Variants in MAPDA observed in about 807,000 individuals in gnomAD.
MAPDA encodes N6-Methyl-AMP deaminase, also known as N6,N6-dimethyl-AMP deaminase.
At chr15:43,350,228 G>A in the MAPDA span, among the ~76,000 whole-genome samples, 1 of 146,856 alleles carries the variant, frequency 6.8e-6, no homozygotes, top group Non-Finnish European at 1.5e-5. Flanking sequence ...ACCACGCCCA[G>A]CTAATTTTTT....
At chr15:43,330,573 G>A in the MAPDA span, 7 of 1,447,228 alleles carry the variant, frequency 4.8e-6, no homozygotes, top group East Asian at 5.1e-5. Flanking sequence ...CCTCGGTAGG[G>A]GGAAAAAAAC....
chr15:43,337,275 CAAAAAAAAAAAA>C, the MAPDA span, among the ~76,000 whole-genome samples: 1 of 61,976 alleles, frequency 1.6e-5, no homozygotes, highest in African/African-American at 6.3e-5. Flanking sequence ...GACTCCGTCT[CAAAAAAAAAAAA>C]AAAAAAAAAG....
the MAPDA span, chr15:43,351,720 C>A: frequency 6.7e-7 from 1 of 1,493,876 alleles, no homozygotes. Flanking sequence ...CTTCCTTTTT[C>A]ATTTTGAAAC....
chr15:43,347,050 T>C, the MAPDA span: 4 of 1,613,912 alleles, frequency 2.5e-6, no homozygotes, highest in Non-Finnish European at 2.5e-6. Context: ...GAACCTCTTT[T>C]AGAAGCTAAG....
At chr15:43,334,000 A>G in the MAPDA span, among the ~76,000 whole-genome samples, 1 of 152,258 alleles carries the variant, frequency 6.6e-6, no homozygotes, top group Non-Finnish European at 1.5e-5. Context: ...GAATAATTCA[A>G]AGGACCTGTC....
chr15:43,342,985 C>G, the MAPDA span: 1 of 1,549,738 alleles, frequency 6.5e-7, no homozygotes, highest in Non-Finnish European at 8.8e-7. Flanking sequence ...TTCTATGTGT[C>G]CTTTCTAGGA....
At chr15:43,351,752 CTGA>C in the MAPDA span, 1 of 1,531,330 alleles carries the variant, frequency 6.5e-7, no homozygotes, top group East Asian at 2.5e-5. Context: ...CGTTGGCAGA[CTGA>C]TGATAAGGGT....
At chr15:43,339,778 A>G in the MAPDA span, among the ~76,000 whole-genome samples, 1 of 152,226 alleles carries the variant, frequency 6.6e-6, no homozygotes, top group Non-Finnish European at 1.5e-5. Flanking sequence ...GCCAGAATTT[A>G]TTGAAAAATG....
the MAPDA span, chr15:43,348,882 ATCCCCTTTCC>A: frequency 1.2e-6 from 2 of 1,608,654 alleles, no homozygotes; most frequent in African/African-American, 1.3e-5. Flanking sequence ...GAGGCCATTG[ATCCCCTTTCC>A]TCCCCTTTCT....
At chr15:43,335,033 A>G in the MAPDA span, 1 of 1,467,976 alleles carries the variant, frequency 6.8e-7, no homozygotes, top group Non-Finnish European at 9.5e-7. Context: ...GTACCATACA[A>G]TTTACTGACT....
the MAPDA span, among the ~76,000 whole-genome samples, chr15:43,342,446 TAAAAAA>T: frequency 8.8e-6 from 1 of 113,608 alleles, no homozygotes; most frequent in East Asian, 2.4e-4. Context: ...ATATCCCTTT[TAAAAAA>T]AAAAAAAAAA....
the MAPDA span, chr15:43,350,960 C>T: frequency 8.4e-6 from 13 of 1,551,454 alleles, no homozygotes; most frequent in East Asian, 7.3e-5. Context: ...TGACCTCAAA[C>T]GTCAAAAGTC....
the MAPDA span, among the ~76,000 whole-genome samples, chr15:43,342,566 A>G: frequency 2.0e-5 from 3 of 151,928 alleles, no homozygotes; most frequent in East Asian, 1.9e-4. Context: ...CTTGGGCAAC[A>G]TAGCAAAACC....
At chr15:43,342,446 TAAAAAAA>T in the MAPDA span, among the ~76,000 whole-genome samples, 1 of 113,608 alleles carries the variant, frequency 8.8e-6, no homozygotes, top group Non-Finnish European at 1.9e-5. Context: ...ATATCCCTTT[TAAAAAAA>T]AAAAAAAAAA....
chr15:43,345,273 G>A, the MAPDA span, among the ~76,000 whole-genome samples: 2 of 151,372 alleles, frequency 1.3e-5, no homozygotes, highest in African/African-American at 4.9e-5. Context: ...AGAATCGCTT[G>A]GACCCGGGAG....
chr15:43,332,459 C>T, the MAPDA span: 1 of 151,656 alleles, frequency 6.6e-6, no homozygotes, highest in African/African-American at 2.4e-5. Flanking sequence ...TGACAGGTTC[C>T]TAAAATGTAG....
the MAPDA span, chr15:43,330,600 C>T: frequency 4.8e-6 from 6 of 1,262,028 alleles, no homozygotes; most frequent in South Asian, 5.5e-5. Context: ...TGCTCCTGGA[C>T]TTCCCCTTCC....
the MAPDA span, among the ~76,000 whole-genome samples, chr15:43,341,459 CTT>C: frequency 2.0e-5 from 3 of 152,202 alleles, no homozygotes; most frequent in Non-Finnish European, 4.4e-5. Flanking sequence ...GGTGAAGACA[CTT>C]TAATGACATG....
the MAPDA span, chr15:43,345,711 C>T: frequency 1.1e-6 from 1 of 943,934 alleles, no homozygotes; most frequent in Non-Finnish European, 1.6e-6. Context: ...AGTAAAATGT[C>T]ATGTTGTCTA....
Sources: allele counts gnomAD v4.1 joint callset (sites outside exome capture counted in the v4.1 genomes callset), GRCh38; gene constraint gnomAD v4.1.1; transcripts MANE v1.5; gene names NCBI Gene and HGNC (gene_info 2026-07-23, HGNC 2026-07-21).